USP46: variants seen among roughly 807,000 people sequenced by gnomAD.
The protein encoded by USP46 is ubiquitin carboxyl-terminal hydrolase 46.
Under a neutral mutation model 44.4 loss-of-function variants are expected in USP46, and 12 were observed. The observed-to-expected ratio is 0.27, with a 90% CI of 0.17 to 0.44. The LOEUF (loss-of-function observed/expected upper bound fraction) is 0.44, where lower values mean the gene tolerates loss of function less well. Ranked by LOEUF, USP46 falls within the 20% of genes least tolerant of loss-of-function variation. USP46 has a pLI of 1.00. For synonymous variants in USP46, 155 were observed against 161.5 expected, an observed-to-expected ratio of 0.96 and a Z score of 0.31; for missense variants, 248 against 444.8, an observed-to-expected ratio of 0.56 and a Z score of 3.98.
intron 2 of USP46, among the ~76,000 whole-genome samples, chr4:52,629,048 A>G (rs73248670): frequency 0.13 from 19,109 of 152,236 alleles, 1,196 homozygotes; most frequent in African/African-American, 0.16. Context: ...AAATTTAAAG[A>G]AAAAAATTCT....
chr4:52,605,099 T>G (rs1046204001), intron 5 of USP46, among the ~76,000 whole-genome samples: 4 of 152,150 alleles, frequency 2.6e-5, no homozygotes, highest in Non-Finnish European at 5.9e-5. Context: ...TCAAAGAGCA[T>G]GAAAGTAAAG....
chr4:52,609,497 C>T (rs1004036049), intron 5 of USP46, among the ~76,000 whole-genome samples: 1 of 152,168 alleles, frequency 6.6e-6, no homozygotes, highest in Non-Finnish European at 1.5e-5. Context: ...GCTAACGACT[C>T]CACTGGCATT....
At chr4:52,621,232 A>T (rs530836224) in intron 4 of USP46, among the ~76,000 whole-genome samples, 1 of 152,218 alleles carries the variant, frequency 6.6e-6, no homozygotes, top group Admixed American at 6.5e-5. Context: ...AGTTCAAGCC[A>T]ATCTCAGCAA....
At position 52,593,967 on chromosome 4, in the gene USP46, T is replaced by C. The variant is rs531054623; in HGVS notation, c.*3673A>G. On this transcript the variant is annotated 3_prime_UTR_variant, in exon 9 of 9. Transcript: ENST00000441222. ...TTCACTCAAAAAAAGTGATGAGTTA[T>C]CTCCAGAACATTGATTTTTATCAAC... 3.7e-4 allele frequency: 56 copies of C among 152,374 alleles called. No individual in the cohort carries two copies. Among genetic ancestry groups the C allele is most frequent in the African/African-American group, 1.3e-3 (52 of 41,582 alleles). The allele number at this position is 152,374 out of a possible 1,614,324, so 9.4% of individuals were successfully genotyped here. A position where few individuals can be genotyped will look rare whatever the true frequency, so the allele number is the denominator to read the frequency against.
At chr4:52,607,934 A>T (rs1231025531) in intron 5 of USP46, among the ~76,000 whole-genome samples, 1 of 152,152 alleles carries the variant, frequency 6.6e-6, no homozygotes, top group African/African-American at 2.4e-5. Flanking sequence ...TAAATTACCC[A>T]ATCTCGGGTA....
intron 2 of USP46, among the ~76,000 whole-genome samples, chr4:52,630,521 G>A (rs940225816): frequency 1.3e-5 from 2 of 152,154 alleles, no homozygotes; most frequent in African/African-American, 2.4e-5. Flanking sequence ...TTGGGAGGCC[G>A]AAGCAGGTGG....
Position 52,658,385 on chromosome 4 carries a change from T to A in USP46, c.36+730A>T, listed in dbSNP as rs1255253866. 4 of 412,504 alleles carry A rather than the reference T, an allele frequency of 9.7e-6. No homozygotes were observed. In the East Asian group the frequency reaches 2.9e-4, roughly 30 times the overall value. The allele number at this position is 412,504 out of a possible 1,614,324, so 25.6% of individuals were successfully genotyped here. On this transcript the variant is annotated intron_variant, in intron 1 of 8. Coordinates refer to ENST00000441222, the MANE Select transcript of USP46 (RefSeq NM_022832.4). The stretch of plus-strand genomic sequence containing the variant: ...CCAGTGATGTCCCTGGCTGTATCCA[T>A]GCCCGCCAGCCTCCCCTAGGTCTAC...
At chr4:52,648,102 G>A (rs1020687041) in intron 1 of USP46, among the ~76,000 whole-genome samples, 4 of 152,154 alleles carry the variant, frequency 2.6e-5, no homozygotes, top group African/African-American at 7.2e-5. Context: ...TCTTTACAAG[G>A]GTAGAGAACA....
chr4:52,655,070 T>C (rs1317225175), intron 1 of USP46, among the ~76,000 whole-genome samples: 1 of 152,206 alleles, frequency 6.6e-6, no homozygotes, highest in Admixed American at 6.5e-5. Context: ...TGTCCTCATA[T>C]AAAATAAAAG....
At chr4:52,635,993 G>T (rs955464617) in intron 1 of USP46, among the ~76,000 whole-genome samples, 1 of 152,122 alleles carries the variant, frequency 6.6e-6, no homozygotes, top group Non-Finnish European at 1.5e-5. Context: ...CAGAATAGTA[G>T]TCCCCCTAAC....
At chr4:52,625,136 T>C in intron 4 of USP46, among the ~76,000 whole-genome samples, 1 of 152,192 alleles carries the variant, frequency 6.6e-6, no homozygotes, top group Non-Finnish European at 1.5e-5. Flanking sequence ...ATGCTGTCAG[T>C]AGTAGTTATA....
rs1198206342 is a variant in USP46, at chr4:52,592,348, AACCCC to A, written c.*5287_*5291del. ...GTCTACATGGGCTATCTTTAGTACT[AACCCC>A]ACAACCAAAATTTTCCTTCAGTAAA... On this transcript the variant is annotated 3_prime_UTR_variant, in exon 9 of 9. Transcript: ENST00000441222. 12 of 152,248 alleles carry A rather than the reference AACCCC, an allele frequency of 7.9e-5. No homozygotes were observed. The highest frequency in any genetic ancestry group is 2.9e-4 in the African/African-American group (12 of 41,456). The allele number at this position is 152,248 out of a possible 1,614,324, so 9.4% of individuals were successfully genotyped here.
intron 5 of USP46, among the ~76,000 whole-genome samples, chr4:52,605,500 T>G (rs1716652421): frequency 6.6e-6 from 1 of 152,236 alleles, no homozygotes; most frequent in Non-Finnish European, 1.5e-5. Context: ...GACCAGATTT[T>G]ATTAAACAGA....
chr4:52,627,099 A>G (rs1035870273), intron 3 of USP46, among the ~76,000 whole-genome samples: 4 of 152,200 alleles, frequency 2.6e-5, no homozygotes, highest in African/African-American at 9.7e-5. Flanking sequence ...TCCCTGCCAT[A>G]AGGACAAACA....
At chr4:52,653,130 C>T (rs892476431) in intron 1 of USP46, among the ~76,000 whole-genome samples, 1 of 152,262 alleles carries the variant, frequency 6.6e-6, no homozygotes, top group African/African-American at 2.4e-5. Flanking sequence ...ATCCCTCAAA[C>T]TTCAAGCCAT....
chr4:52,629,906 C>T (rs924545972), intron 2 of USP46, among the ~76,000 whole-genome samples: 3 of 152,234 alleles, frequency 2.0e-5, no homozygotes, highest in Non-Finnish European at 2.9e-5. Context: ...GAATTCAAAC[C>T]GAGGTCTGTA....
intron 5 of USP46, among the ~76,000 whole-genome samples, chr4:52,610,216 G>A (rs187138336): frequency 3.0e-3 from 449 of 151,790 alleles, no homozygotes; most frequent in African/African-American, 0.01. Context: ...GAGCCACCGC[G>A]CCCGGCCTCA....
At chr4:52,644,923 G>A (rs1718489519) in intron 1 of USP46, among the ~76,000 whole-genome samples, 2 of 152,032 alleles carry the variant, frequency 1.3e-5, no homozygotes, top group Admixed American at 6.6e-5. Flanking sequence ...CGGGCGTGGT[G>A]GCACGCGCCT....
At chr4:52,610,748 C>G in intron 4 of USP46, 131 bp from the exon 5 acceptor site, 1 of 739,632 alleles carries the variant, frequency 1.4e-6, no homozygotes, top group Non-Finnish European at 2.2e-6. Context: ...GACATGTATA[C>G]TCATTGGCAC....
Sources: gnomAD v4.1 joint callset for allele counts (sites outside exome capture counted in the v4.1 genomes callset) on GRCh38, gnomAD v4.1.1 for gene constraint, MANE v1.5 for transcripts, NCBI Gene and HGNC (gene_info 2026-07-23, HGNC 2026-07-21) for gene names.